The following USP11 variants were observed in gnomAD, a reference collection of about 807,000 sequenced individuals.
USP11 encodes the protein ubiquitin carboxyl-terminal hydrolase 11.
In USP11, 5 loss-of-function variants were observed where a neutral mutation model predicts 72.8. That is an observed-to-expected ratio of 0.07 (90% CI 0.04 to 0.14). The LOEUF (loss-of-function observed/expected upper bound fraction) is 0.14. Ranked by LOEUF, USP11 falls within the 10% of genes least tolerant of loss-of-function variation. The pLI is 1.00. For missense variants in USP11, 480 were observed against 794.7 expected, an observed-to-expected ratio of 0.60 and a Z score of 4.76; for synonymous variants, 368 against 326.5, an observed-to-expected ratio of 1.13 and a Z score of -1.37.
At chrX:47,241,025 C>T (rs1174948453) in intron 7 of USP11, 149 bp downstream of exon 7, 13 of 600,799 alleles carry the variant, frequency 2.2e-5, no homozygotes, top group Admixed American at 3.5e-5. Flanking sequence ...GGCACGCCCA[C>T]GTTCATTCCT....
intron 12 of USP11, 65 bp downstream of exon 12, chrX:47,242,785 C>T: frequency 1.2e-6 from 1 of 848,278 alleles, no homozygotes; most frequent in South Asian, 2.1e-5. Flanking sequence ...TTTGTATGGT[C>T]CTGCCTTAAC....
chrX:47,247,951 GAAAAAA>G lies in USP11; in HGVS notation c.*32_*37del. 9.7e-7 allele frequency: 1 copy of G among 1,027,939 alleles called. No homozygotes were observed. The highest frequency in any genetic ancestry group is 2.5e-5 in the African/African-American group (1 of 40,521). The allele number at this position is 1,027,939 out of a possible 1,213,427, so 84.7% of individuals were successfully genotyped here. A position where few individuals can be genotyped will look rare whatever the true frequency, so the allele number is the denominator to read the frequency against. Reference sequence around the variant, plus strand: ...ATTGAGAGCCCTGGGTCCTGCCACAGAAAAAAAAAAAAAAAAGCCCTCTCTGCAATC... The same window carrying G: ...ATTGAGAGCCCTGGGTCCTGCCACAGAAAAAAAAAAGCCCTCTCTGCAATC... On this transcript the variant is annotated 3_prime_UTR_variant, in exon 21 of 21. Coordinates refer to ENST00000377107, the MANE Select transcript of USP11 (RefSeq NM_001371072.1).
chrX:47,236,086 T>C (rs2147348823), intron 1 of USP11, among the ~76,000 whole-genome samples: 1 of 112,137 alleles, frequency 8.9e-6, no homozygotes, highest in South Asian at 3.7e-4. Flanking sequence ...GTTGTGGTTG[T>C]ACAACATTGT....
Position 47,247,805 on chromosome X carries a change from T to C in USP11, c.2638T>C (p.Tyr880His), listed in dbSNP as rs1469888498. The C allele has an allele frequency of 8.3e-7, 1 of 1,204,665 alleles. No individual in the cohort carries two copies. The highest frequency in any genetic ancestry group is 1.1e-6 in the Non-Finnish European group (1 of 893,263). Residue 880 changes from tyrosine to histidine, a missense_variant, in exon 21 of 21, where the codon TAT becomes CAT. By Grantham distance (83) the Tyr-to-His change is moderately conservative (BLOSUM62 2). Coordinates refer to ENST00000377107, the MANE Select transcript of USP11 (RefSeq NM_001371072.1). ...NENQIESKAA[Y>H]VLFYQRQDVA... ...CCTCTCCCCACAGTCCAAGGCAGCC[T>C]ATGTCCTCTTCTACCAACGCCAGGA...
rs374191188 is a variant in USP11, at chrX:47,247,883, C to T, written c.2716C>T (p.Pro906Ser). 3 of 1,202,279 alleles carry T rather than the reference C, an allele frequency of 2.5e-6. No individual in the cohort carries two copies. In the African/African-American group the frequency reaches 5.4e-5, roughly 22 times the overall value. The change falls in exon 21 of 21, where the codon CCT (proline) becomes TCT (serine). Residue 906 changes from proline (P) to serine (S), a missense_variant. By Grantham distance (74) the Pro-to-Ser change is moderately conservative (BLOSUM62 -1). Around this residue, in one of 5 missense-constraint regions of USP11, gnomAD observed 314 missense variants for 556.0 expected, o/e 0.56. Transcript: ENST00000377107. ...PAGSSGAPAS[P>S]ACSSPPSSEF... ...CGGCTCATCTGGCGCCCCAGCCTCCCCTGCCTGCAGCTCCCCACCCAGCTC... is the reference window on the plus strand; with the variant it reads ...CGGCTCATCTGGCGCCCCAGCCTCCTCTGCCTGCAGCTCCCCACCCAGCTC...
chrX:47,233,346 G>C (rs1430310936), intron 1 of USP11, 127 bp downstream of exon 1: 19 of 1,069,654 alleles, frequency 1.8e-5, no homozygotes, highest in Non-Finnish European at 2.3e-5. Context: ...AGTGGCCGGC[G>C]GGACAGCGGG....
intron 13 of USP11, 108 bp downstream of exon 13, chrX:47,243,710 A>G (rs1271135857): frequency 1.3e-6 from 1 of 766,630 alleles, no homozygotes; most frequent in Non-Finnish European, 1.9e-6. Context: ...AGACAGTCCA[A>G]ACTTAACATG....
chrX:47,248,037 C>T lies in USP11; in HGVS notation c.*107C>T. The T allele has an allele frequency of 9.5e-7, 1 of 1,051,861 alleles. No individual in the cohort carries two copies. The highest frequency in any genetic ancestry group is 1.3e-6 in the Non-Finnish European group (1 of 798,987). 86.7% of individuals were successfully genotyped at this position (1,051,861 alleles called of 1,213,427 possible). A position where few individuals can be genotyped will look rare whatever the true frequency, so the allele number is the denominator to read the frequency against. On this transcript the variant is annotated 3_prime_UTR_variant, in exon 21 of 21. Transcript: ENST00000377107. ...ATTCGTGTTAGGTGCCCCCGCCAGGCATTGCAGGCTTAGTCGTGGCTACTG... is the reference window on the plus strand; with the variant it reads ...ATTCGTGTTAGGTGCCCCCGCCAGGTATTGCAGGCTTAGTCGTGGCTACTG...
chrX:47,246,689 G>C (rs1417984038), intron 17 of USP11, among the ~76,000 whole-genome samples: 1 of 110,540 alleles, frequency 9.0e-6, no homozygotes, highest in African/African-American at 3.3e-5. Flanking sequence ...CATGGCACGT[G>C]AGAGGCAGTA....
Position 47,243,614 on chromosome X carries a change from C to T in USP11, c.1790+12C>T. On this transcript the variant is annotated intron_variant, in intron 13 of 20. Transcript: ENST00000377107. ...ATGTACCGGCTCTCGTAAGTGTCCT[C>T]TTCCCCGGGGGTGGGGGGCGGAGGG... The T allele has an allele frequency of 1.7e-6, 2 of 1,209,229 alleles. No individual in the cohort carries two copies. The highest frequency in any genetic ancestry group is 2.2e-6 in the Non-Finnish European group (2 of 893,698).
At chrX:47,243,275 A>G in intron 12 of USP11, 121 bp from the exon 13 acceptor site, 1 of 675,892 alleles carries the variant, frequency 1.5e-6, no homozygotes, top group Non-Finnish European at 2.2e-6. Context: ...AAATAAATAA[A>G]TAAATAAATA....
intron 1 of USP11, among the ~76,000 whole-genome samples, chrX:47,237,901 A>G (rs954907006): frequency 5.5e-5 from 6 of 109,856 alleles, no homozygotes; most frequent in South Asian, 3.9e-4. Context: ...GAACAATGAC[A>G]GCTAAAATTC....
chrX:47,237,926 A>G (rs778215351), intron 1 of USP11, among the ~76,000 whole-genome samples: 10 of 110,299 alleles, frequency 9.1e-5, no homozygotes, highest in African/African-American at 2.3e-4. Flanking sequence ...AGCACTTATT[A>G]TATGTCAAGT....
Position 47,245,430 on chromosome X carries a change from G to A in USP11, c.2218G>A (p.Glu740Lys), listed in dbSNP as rs2055427409. ...VMKKAPVRLQ[E>K]CIELFTTVET... ...GAAGAAGGCTCCCGTGCGGCTGCAGGAGTGCATTGAGCTCTTCACCACTGT... is the reference window on the plus strand; with the variant it reads ...GAAGAAGGCTCCCGTGCGGCTGCAGAAGTGCATTGAGCTCTTCACCACTGT... The change falls in exon 17 of 21, where the codon GAG becomes AAG. Residue 740 changes from glutamate (E) to lysine (K), a missense_variant. This residue lies in a region of USP11 where 314 missense variants were observed against 556.0 expected (regional missense o/e 0.56). Transcript: ENST00000377107. 8.3e-7 allele frequency: 1 copy of A among 1,211,914 alleles called. No homozygotes were observed.
intron 2 of USP11, 54 bp downstream of exon 2, chrX:47,239,233 G>T: frequency 4.2e-6 from 5 of 1,177,129 alleles, no homozygotes; most frequent in Non-Finnish European, 4.6e-6. Flanking sequence ...TGTCCCTTCC[G>T]TCCCTACAGA....
intron 7 of USP11, 21 bp from the exon 8 acceptor site, chrX:47,241,256 C>T (rs369071600): frequency 1.7e-6 from 2 of 1,182,336 alleles, no homozygotes; most frequent in African/African-American, 3.6e-5. Flanking sequence ...GCCTCATTCA[C>T]CTGGTCTCTG....
In USP11 at chrX:47,244,866, G is replaced by A; in HGVS notation, c.2028G>A (p.Leu676=). The A allele has an allele frequency of 8.3e-7, 1 of 1,211,710 alleles. No homozygotes were observed. The highest frequency in any genetic ancestry group is 1.1e-6 in the Non-Finnish European group (1 of 895,476). ...GACGACGCAAGCAGCTGTTCACCCTGCAGACGGTGAACTCCAATGGGACCA... is the reference window on the plus strand; with the variant it reads ...GACGACGCAAGCAGCTGTTCACCCTACAGACGGTGAACTCCAATGGGACCA... The part of the protein sequence containing the change: ...PRRRRKQLFT[L]QTVNSNGTSD... Residue 676 remains leucine (L), a synonymous_variant, in exon 15 of 21, where the codon CTG becomes CTA. Coordinates refer to ENST00000377107, the MANE Select transcript of USP11 (RefSeq NM_001371072.1).
At chrX:47,245,280 A>G in intron 16 of USP11, 90 bp from the exon 17 acceptor site, 10 of 943,809 alleles carry the variant, frequency 1.1e-5, no homozygotes, top group Non-Finnish European at 1.5e-5. Flanking sequence ...TGACCCACTC[A>G]GTGTGTGTCT....
intron 17 of USP11, among the ~76,000 whole-genome samples, chrX:47,246,353 C>G (rs1031666550): frequency 1.8e-5 from 2 of 111,813 alleles, no homozygotes; most frequent in Non-Finnish European, 3.8e-5. Context: ...TCCCTAGTCT[C>G]AGAAATAAGA....
Sources: gnomAD v4.1 joint callset for allele counts (sites outside exome capture counted in the v4.1 genomes callset) on GRCh38, gnomAD v4.1.1 for gene constraint, gnomAD v4.1.1 regional missense constraint, MANE v1.5 for transcripts, NCBI Gene and HGNC (gene_info 2026-07-23, HGNC 2026-07-21) for gene names.